APBA1: variants seen among roughly 807,000 people sequenced by gnomAD.
APBA1 encodes amyloid beta precursor protein binding family A member 1.
A neutral mutation model predicts 86.6 loss-of-function variants in APBA1; 55 were observed. The observed-to-expected ratio is 0.64, with a 90% confidence interval of 0.51 to 0.80. APBA1 has a LOEUF of 0.80. Ranked by LOEUF, APBA1 falls within the 30% of genes least tolerant of loss-of-function variation. APBA1 has a pLI of 0.00. For missense variants in APBA1, 1,090 were observed against 1,183.0 expected (o/e 0.92, Z 1.15); for synonymous variants, 511 against 493.9 (o/e 1.03, Z -0.46).
chr9:69,565,672 T>C (rs1287687378), intron 1 of APBA1, among the ~76,000 whole-genome samples: 1 of 152,208 alleles, frequency 6.6e-6, no homozygotes, highest in Admixed American at 6.5e-5. Flanking sequence ...TCCTCCCCTC[T>C]TATTCTCCGC....
At chr9:69,485,193 C>A (rs572444157) in intron 2 of APBA1, among the ~76,000 whole-genome samples, 1 of 152,094 alleles carries the variant, frequency 6.6e-6, no homozygotes, top group East Asian at 1.9e-4. Flanking sequence ...ACTCTTGATG[C>A]AGAAAGCTGT....
intron 1 of APBA1, among the ~76,000 whole-genome samples, chr9:69,613,207 C>CTA (rs10687360): frequency 0.42 from 63,481 of 151,760 alleles, 14,198 homozygotes; most frequent in African/African-American, 0.58. Flanking sequence ...TTTGATCTCC[C>CTA]TGTTAGAACA....
chr9:69,482,969 TG>T (rs1163616564), intron 2 of APBA1, among the ~76,000 whole-genome samples: 5 of 73,262 alleles, frequency 6.8e-5, no homozygotes, highest in African/African-American at 1.2e-4. Flanking sequence ...GGGACTGTTG[TG>T]GGGTGGGGGG....
At chr9:69,521,278 T>A (rs1264787836) in intron 1 of APBA1, among the ~76,000 whole-genome samples, 1 of 152,202 alleles carries the variant, frequency 6.6e-6, no homozygotes, top group Non-Finnish European at 1.5e-5. Flanking sequence ...CTTTAGTCCA[T>A]CTCCACACTT....
chr9:69,466,350 CAG>C (rs1835279892), intron 5 of APBA1, among the ~76,000 whole-genome samples: 2 of 152,302 alleles, frequency 1.3e-5, no homozygotes, highest in South Asian at 2.1e-4. Flanking sequence ...CACCACATGG[CAG>C]AGTCTGGACA....
At chr9:69,586,524 G>C (rs556173723) in intron 1 of APBA1, among the ~76,000 whole-genome samples, 1 of 152,162 alleles carries the variant, frequency 6.6e-6, no homozygotes, top group Admixed American at 6.5e-5. Flanking sequence ...TTTGGGCAGG[G>C]GATTTTTAAA....
chr9:69,569,448 AG>A (rs1837080428), intron 1 of APBA1, among the ~76,000 whole-genome samples: 2 of 144,962 alleles, frequency 1.4e-5, no homozygotes, highest in Non-Finnish European at 3.0e-5. Flanking sequence ...GTCACGTGTG[AG>A]TGTGTGTGTG....
chr9:69,567,781 C>T (rs1429798230), intron 1 of APBA1, among the ~76,000 whole-genome samples: 1 of 152,192 alleles, frequency 6.6e-6, no homozygotes, highest in African/African-American at 2.4e-5. Flanking sequence ...TCAAATGGCA[C>T]TGGGGTCCGG....
chr9:69,667,740 A>G (rs1176519550), intron 1 of APBA1, among the ~76,000 whole-genome samples: 1 of 151,716 alleles, frequency 6.6e-6, no homozygotes, highest in African/African-American at 2.4e-5. Context: ...TTGTTGTGAT[A>G]TATCATACTC....
At chr9:69,559,567 C>T (rs1836917174) in intron 1 of APBA1, among the ~76,000 whole-genome samples, 1 of 152,056 alleles carries the variant, frequency 6.6e-6, no homozygotes, top group Non-Finnish European at 1.5e-5. Context: ...CTGTGTATTC[C>T]ATGTCATTAT....
chr9:69,645,875 C>T (rs1053855795), intron 1 of APBA1, among the ~76,000 whole-genome samples: 1 of 152,186 alleles, frequency 6.6e-6, no homozygotes, highest in South Asian at 2.1e-4. Flanking sequence ...TTCAGACTCT[C>T]CAGTTCTCCC....
At chr9:69,527,601 CTGTT>C (rs1295725548) in intron 1 of APBA1, among the ~76,000 whole-genome samples, 1 of 152,066 alleles carries the variant, frequency 6.6e-6, no homozygotes, top group Non-Finnish European at 1.5e-5. Flanking sequence ...CTGGCTCTCA[CTGTT>C]TGTGCTCTTC....
chr9:69,554,636 C>T (rs1403227249), intron 1 of APBA1, among the ~76,000 whole-genome samples: 1 of 152,166 alleles, frequency 6.6e-6, no homozygotes, highest in African/African-American at 2.4e-5. Context: ...AACAGCTTTC[C>T]TCAGTGCCTC....
At chr9:69,663,248 G>A (rs942430473) in intron 1 of APBA1, among the ~76,000 whole-genome samples, 8 of 152,218 alleles carry the variant, frequency 5.3e-5, no homozygotes, top group African/African-American at 1.4e-4. Flanking sequence ...TTGTTTCAGT[G>A]ATGTATGTGT....
chr9:69,541,204 T>C (rs1314823720), intron 1 of APBA1, among the ~76,000 whole-genome samples: 1 of 152,066 alleles, frequency 6.6e-6, no homozygotes, highest in Non-Finnish European at 1.5e-5. Context: ...TGAGTTTGAC[T>C]GAGATTGCTG....
At chr9:69,618,856 T>G (rs1489718063) in intron 1 of APBA1, among the ~76,000 whole-genome samples, 1 of 152,250 alleles carries the variant, frequency 6.6e-6, no homozygotes, top group Non-Finnish European at 1.5e-5. Context: ...GAAATGGATT[T>G]ACATCGTAAC....
intron 1 of APBA1, among the ~76,000 whole-genome samples, chr9:69,534,157 T>A (rs566662047): frequency 1.0e-3 from 155 of 152,322 alleles, no homozygotes; most frequent in African/African-American, 3.7e-3. Context: ...GAATTTCCAA[T>A]GTTCAGCATA....
intron 1 of APBA1, among the ~76,000 whole-genome samples, chr9:69,669,805 T>C (rs1017680613): frequency 7.9e-5 from 12 of 152,076 alleles, no homozygotes; most frequent in African/African-American, 2.9e-4. Context: ...AATGATCACA[T>C]TTACATTAGA....
chr9:69,650,744 A>G (rs928515557), intron 1 of APBA1, among the ~76,000 whole-genome samples: 1 of 152,248 alleles, frequency 6.6e-6, no homozygotes. Context: ...AAGGAAATTA[A>G]CAAAAATAAA....
Sources: allele counts gnomAD v4.1 joint callset (sites outside exome capture counted in the v4.1 genomes callset), GRCh38; gene constraint gnomAD v4.1.1; transcripts MANE v1.5; gene names NCBI Gene and HGNC (gene_info 2026-07-23, HGNC 2026-07-21).